NR3C2: variants seen among roughly 807,000 people sequenced by gnomAD.
NR3C2 encodes mineralocorticoid receptor.
Under a neutral mutation model 86.4 loss-of-function variants are expected in NR3C2, and 15 were observed. The observed-to-expected ratio is 0.17, with a 90% CI of 0.12 to 0.27. NR3C2 has a LOEUF of 0.27. Ranked by LOEUF, NR3C2 falls within the 10% of genes least tolerant of loss-of-function variation. NR3C2 has a pLI of 1.00. For missense variants in NR3C2, 960 were observed against 1,195.6 expected (o/e 0.80, Z 2.91); for synonymous variants, 458 against 450.5 (o/e 1.02, Z -0.21).
intron 2 of NR3C2, among the ~76,000 whole-genome samples, chr4:148,386,080 C>T (rs958654735): frequency 3.3e-5 from 5 of 152,168 alleles, no homozygotes; most frequent in Non-Finnish European, 7.3e-5. Flanking sequence ...CAGAGGAATG[C>T]TATTGGTGTG....
chr4:148,416,985 C>G (rs577248923), intron 2 of NR3C2, among the ~76,000 whole-genome samples: 2 of 152,152 alleles, frequency 1.3e-5, no homozygotes, highest in Non-Finnish European at 2.9e-5. Flanking sequence ...CCATGTTGGC[C>G]AGGCTGGTCT....
At chr4:148,234,735 A>C (rs1166499896) in intron 3 of NR3C2, among the ~76,000 whole-genome samples, 1 of 151,166 alleles carries the variant, frequency 6.6e-6, no homozygotes. Flanking sequence ...AATTCTGCTG[A>C]AGGCCAATAC....
chr4:148,170,633 A>G (rs1319337024), intron 4 of NR3C2, among the ~76,000 whole-genome samples: 2 of 152,238 alleles, frequency 1.3e-5, no homozygotes, highest in African/African-American at 4.8e-5. Context: ...TCGATGGAGC[A>G]TTCACTTCCT....
chr4:148,177,514 T>A (rs1235741412), intron 4 of NR3C2, among the ~76,000 whole-genome samples: 1 of 152,190 alleles, frequency 6.6e-6, no homozygotes, highest in African/African-American at 2.4e-5. Flanking sequence ...GAAAATAGGA[T>A]GTCTGTTCAG....
At chr4:148,390,429 C>T (rs565544301) in intron 2 of NR3C2, among the ~76,000 whole-genome samples, 8 of 151,830 alleles carry the variant, frequency 5.3e-5, no homozygotes, top group African/African-American at 1.4e-4. Flanking sequence ...AAGTGTGAGA[C>T]GGTAGCAAGA....
chr4:148,289,137 A>G (rs1176931717), intron 2 of NR3C2, among the ~76,000 whole-genome samples: 1 of 152,164 alleles, frequency 6.6e-6, no homozygotes, highest in Non-Finnish European at 1.5e-5. Context: ...TGGATATGCA[A>G]TAATTGTTAA....
intron 4 of NR3C2, among the ~76,000 whole-genome samples, chr4:148,175,715 C>T (rs1294795587): frequency 1.3e-5 from 2 of 151,784 alleles, no homozygotes; most frequent in Non-Finnish European, 2.9e-5. Context: ...TTATGCCTTC[C>T]TATGTAAATA....
chr4:148,411,572 A>G (rs1748705312), intron 2 of NR3C2, among the ~76,000 whole-genome samples: 1 of 152,204 alleles, frequency 6.6e-6, no homozygotes, highest in African/African-American at 2.4e-5. Flanking sequence ...AGATTTTTAT[A>G]TAAACGGCAT....
intron 4 of NR3C2, among the ~76,000 whole-genome samples, chr4:148,187,742 A>G (rs978123522): frequency 2.0e-5 from 3 of 152,016 alleles, no homozygotes; most frequent in Non-Finnish European, 4.4e-5. Flanking sequence ...AACAATTTAT[A>G]TTTGTTTTTA....
At chr4:148,360,101 C>T (rs910856227) in intron 2 of NR3C2, among the ~76,000 whole-genome samples, 4 of 152,048 alleles carry the variant, frequency 2.6e-5, no homozygotes, top group Non-Finnish European at 4.4e-5. Flanking sequence ...TGCTCAAGTA[C>T]AAAAACATAA....
At chr4:148,135,592 G>A (rs184814110) in intron 6 of NR3C2, among the ~76,000 whole-genome samples, 30 of 152,224 alleles carry the variant, frequency 2.0e-4, no homozygotes, top group African/African-American at 7.0e-4. Context: ...AAGACAAGCA[G>A]TCAGGGAAAA....
At chr4:148,223,642 A>G (rs1448507700) in intron 3 of NR3C2, among the ~76,000 whole-genome samples, 2 of 152,248 alleles carry the variant, frequency 1.3e-5, no homozygotes, top group Non-Finnish European at 2.9e-5. Context: ...GAGTCTGTCA[A>G]GTGAAAGAGA....
chr4:148,151,095 T>C (rs867406119), intron 6 of NR3C2, among the ~76,000 whole-genome samples: 21 of 152,156 alleles, frequency 1.4e-4, no homozygotes, highest in African/African-American at 3.9e-4. Context: ...GGCACAACAA[T>C]GTGAATGTAA....
chr4:148,239,458 A>G (rs1738909412), intron 3 of NR3C2, among the ~76,000 whole-genome samples: 1 of 152,308 alleles, frequency 6.6e-6, no homozygotes, highest in African/African-American at 2.4e-5. Flanking sequence ...CTTGAAGAGT[A>G]TCTGCCCCTC....
At chr4:148,164,722 C>A (rs1288855003) in intron 4 of NR3C2, among the ~76,000 whole-genome samples, 2 of 152,130 alleles carry the variant, frequency 1.3e-5, no homozygotes, top group Non-Finnish European at 2.9e-5. Flanking sequence ...TCTCATTGGG[C>A]ATGCAAGGTA....
chr4:148,174,766 TCTC>T (rs1560960161), intron 4 of NR3C2, among the ~76,000 whole-genome samples: 1 of 151,896 alleles, frequency 6.6e-6, no homozygotes, highest in African/African-American at 2.4e-5. Context: ...GGTCCCTCCT[TCTC>T]CTCCTCGGTT....
rs1219123846 is a variant in NR3C2 at position 148,154,755 on chromosome 4, T to C, written c.2161A>G (p.Thr721Ala). Residue 721 changes from threonine to alanine, a missense_variant, in exon 5 of 9, where the codon ACA becomes GCA. By Grantham distance (58) the Thr-to-Ala change is moderately conservative. Around this residue, in one of 4 missense-constraint regions of NR3C2, gnomAD observed 82 missense variants for 73.0 expected, o/e 1.12. Coordinates refer to ENST00000358102, the MANE Select transcript of NR3C2 (RefSeq NM_000901.5). ...GTGGAGAGCTGAGGAACCAGTGCTG[T>C]GTTGACCGAGGGTTCTTTTGCAGGA... ...IAPAKEPSVN[T>A]ALVPQLSTIS... 1.3e-6 allele frequency: 2 copies of C among 1,496,478 alleles called. No homozygotes were observed. The highest frequency in any genetic ancestry group is 9.0e-7 in the Non-Finnish European group (1 of 1,109,422). The allele number at this position is 1,496,478 out of a possible 1,614,324, so 92.7% of individuals were successfully genotyped here.
intron 3 of NR3C2, among the ~76,000 whole-genome samples, chr4:148,244,730 T>C (rs1198850463): frequency 2.6e-5 from 4 of 152,210 alleles, no homozygotes; most frequent in Non-Finnish European, 5.9e-5. Context: ...CATTATCTTC[T>C]CTTTCTTTTA....
At chr4:148,254,414 C>G (rs184422341) in intron 3 of NR3C2, among the ~76,000 whole-genome samples, 1 of 152,326 alleles carries the variant, frequency 6.6e-6, no homozygotes, top group African/African-American at 2.4e-5. Context: ...TAAGGTCCCT[C>G]AGCAAGGCCA....
Sources: allele counts gnomAD v4.1 joint callset (sites outside exome capture counted in the v4.1 genomes callset), GRCh38; gene constraint gnomAD v4.1.1; regional missense constraint gnomAD v4.1.1; transcripts MANE v1.5; gene names NCBI Gene and HGNC (gene_info 2026-07-23, HGNC 2026-07-21).